Variants in ST6GALNAC5 observed in about 807,000 individuals in gnomAD.
ST6GALNAC5 encodes the protein ST6 N-acetylgalactosaminide alpha-2,6-sialyltransferase 5, also known as alpha-N-acetylgalactosaminide alpha-2,6-sialyltransferase 5.
ST6GALNAC5 carries 27 observed loss-of-function variants against 33.6 expected under a neutral mutation model. The observed-to-expected ratio is 0.80, with a 90% CI of 0.59 to 1.11. ST6GALNAC5 has a LOEUF of 1.11. ST6GALNAC5 is among the 50% of genes least tolerant of loss of function. The probability of loss-of-function intolerance (pLI) is 0.00; values close to 1 mark genes in which losing one functional copy is unlikely to be tolerated. For synonymous variants in ST6GALNAC5, 194 were observed against 171.2 expected (o/e 1.13, Z -1.04); for missense variants, 428 against 454.0 (o/e 0.94, Z 0.52).
chr1:76,879,381 G>A (rs147235475), intron 2 of ST6GALNAC5, among the ~76,000 whole-genome samples: 483 of 152,272 alleles, frequency 3.2e-3, no homozygotes, highest in Non-Finnish European at 5.0e-3. Flanking sequence ...AATAAATTCA[G>A]CCTGATCCAA....
rs140885541 is a variant in ST6GALNAC5 at position 77,040,004 on chromosome 1, G to C, written c.262-4200G>C. 8.8e-3 allele frequency among the ~76,000 whole-genome samples: 1,341 copies of C among 152,298 alleles called. 16 individuals are homozygous for C. Among genetic ancestry groups the C allele is most frequent in the African/African-American group, 0.03 (1,257 of 41,550 alleles). ...TGCATCAGGAATCTTGACTCACCAA[G>C]GCATGAATATTTCCACCCATATCAT... On this transcript the variant is annotated intron_variant, in intron 2 of 4. Coordinates refer to ENST00000477717, the MANE Select transcript of ST6GALNAC5 (RefSeq NM_030965.3).
chr1:76,868,849 G>T lies in ST6GALNAC5; in HGVS notation c.261+107G>T. 7.1e-7 allele frequency: 1 copy of T among 1,418,388 alleles called. No homozygotes were observed. 87.9% of individuals were successfully genotyped at this position (1,418,388 alleles called of 1,614,324 possible). A position where few individuals can be genotyped will look rare whatever the true frequency, so the allele number is the denominator to read the frequency against. ...GAGGCGCTGTGAGTAGGTGCCGTTC[G>T]AAGGCTGGAGGGGAGTGGACCCGCT... On this transcript the variant is annotated intron_variant, in intron 2 of 4. Transcript: ENST00000477717. This position sits in a 1 kb window ranked among gnomAD's most constrained non-coding sequence, Gnocchi z 4.3.
intron 2 of ST6GALNAC5, among the ~76,000 whole-genome samples, chr1:76,950,520 T>C (rs190908238): frequency 7.2e-5 from 11 of 152,204 alleles, no homozygotes; most frequent in African/African-American, 2.6e-4. Context: ...GTCACTATGA[T>C]GGAATTTAGA....
intron 2 of ST6GALNAC5, among the ~76,000 whole-genome samples, chr1:76,964,889 A>G (rs1412770781): frequency 6.6e-6 from 1 of 152,198 alleles, no homozygotes; most frequent in African/African-American, 2.4e-5. Context: ...TAGTTTGCTC[A>G]GAATGATGGT....
At chr1:77,055,348 C>T (rs191899898) in intron 4 of ST6GALNAC5, among the ~76,000 whole-genome samples, 2 of 152,236 alleles carry the variant, frequency 1.3e-5, no homozygotes, top group Non-Finnish European at 1.5e-5. Flanking sequence ...CCATCCCCTA[C>T]TTCCTTAAGC....
At chr1:76,874,017 G>C (rs1022128244) in intron 2 of ST6GALNAC5, among the ~76,000 whole-genome samples, 1 of 152,170 alleles carries the variant, frequency 6.6e-6, no homozygotes, top group African/African-American at 2.4e-5. Flanking sequence ...ATAATAATTT[G>C]AAATCAGGAA....
At position 76,997,278 on chromosome 1, in the gene ST6GALNAC5, A is replaced by G. The variant is rs143724895; in HGVS notation, c.262-46926A>G. Among the ~76,000 whole-genome samples the G allele has an allele frequency of 7.9e-4, 120 of 152,314 alleles. No individual in the cohort carries two copies. The East Asian group carries it at 0.013, about 17-fold the overall frequency. On this transcript the variant is annotated intron_variant, in intron 2 of 4. Transcript: ENST00000477717. Reference sequence around the variant, plus strand: ...GAGTTTGTACAGTTTCGTAGTTACAAGACAGGGTAGAATGAATATTTAAAG... The same window carrying G: ...GAGTTTGTACAGTTTCGTAGTTACAGGACAGGGTAGAATGAATATTTAAAG...
rs533704397 is a variant in ST6GALNAC5 at position 76,954,372 on chromosome 1, C to T, written c.261+85630C>T. 3.9e-5 allele frequency among the ~76,000 whole-genome samples: 6 copies of T among 152,072 alleles called. No individual in the cohort carries two copies. The South Asian group carries it at 1.2e-3, about 32-fold the overall frequency. On this transcript the variant is annotated intron_variant, in intron 2 of 4. Transcript: ENST00000477717. The stretch of plus-strand genomic sequence containing the variant: ...GTGGGAGAACAACCCACACTGAGGC[C>T]TGTTGGAAAGTGGGAGGGGAGGGAG...
At chr1:76,915,469 T>A (rs1646961443) in intron 2 of ST6GALNAC5, among the ~76,000 whole-genome samples, 1 of 152,124 alleles carries the variant, frequency 6.6e-6, no homozygotes, top group South Asian at 2.1e-4. Flanking sequence ...ATAGACTGGA[T>A]TAAGAAAATC....
intron 2 of ST6GALNAC5, among the ~76,000 whole-genome samples, chr1:77,043,411 ATGATGCGTGTTCAC>A (rs1651897773): frequency 6.6e-6 from 1 of 152,238 alleles, no homozygotes; most frequent in South Asian, 2.1e-4. Context: ...GAACTTTGCC[ATGATGCGTGTTCAC>A]TGCAGATGAG....
Position 76,978,069 on chromosome 1 carries a change from T to C in ST6GALNAC5, c.262-66135T>C, listed in dbSNP as rs147806814. ...GTAGTTTTGATTTGCATTTCCCTGA[T>C]TATTAGTGATATTGACCATTTTTTG... On this transcript the variant is annotated intron_variant, in intron 2 of 4. Coordinates refer to ENST00000477717, the MANE Select transcript of ST6GALNAC5 (RefSeq NM_030965.3). 1.0e-3 allele frequency among the ~76,000 whole-genome samples: 154 copies of C among 152,336 alleles called. No individual in the cohort carries two copies. In the Middle Eastern group the frequency reaches 0.02, roughly 20 times the overall value.
intron 2 of ST6GALNAC5, among the ~76,000 whole-genome samples, chr1:76,877,167 G>A (rs1653662315): frequency 1.3e-5 from 2 of 152,192 alleles, no homozygotes. Flanking sequence ...CAAAAGGAGG[G>A]TAATTATCTG....
At chr1:76,951,696 CTTA>C (rs2100338505) in intron 2 of ST6GALNAC5, among the ~76,000 whole-genome samples, 1 of 152,094 alleles carries the variant, frequency 6.6e-6, no homozygotes, top group Non-Finnish European at 1.5e-5. Context: ...TGTGTTTAAG[CTTA>C]TTATTAATTT....
intron 2 of ST6GALNAC5, among the ~76,000 whole-genome samples, chr1:76,907,200 T>A (rs564991596): frequency 6.6e-6 from 1 of 152,172 alleles, no homozygotes; most frequent in Admixed American, 6.6e-5. Flanking sequence ...CTCCTTTTTT[T>A]TCATTTCTAT....
intron 2 of ST6GALNAC5, among the ~76,000 whole-genome samples, chr1:76,928,966 A>G (rs1647111163): frequency 6.6e-6 from 1 of 152,286 alleles, no homozygotes; most frequent in South Asian, 2.1e-4. Flanking sequence ...CAATGTCACC[A>G]TCTTAGCATA....
intron 2 of ST6GALNAC5, among the ~76,000 whole-genome samples, chr1:76,980,944 T>C (rs1649224046): frequency 6.6e-6 from 1 of 152,150 alleles, no homozygotes; most frequent in Non-Finnish European, 1.5e-5. Flanking sequence ...CCCAAGGATT[T>C]GGAGAAAATT....
chr1:76,986,787 A>G (rs1402898309), intron 2 of ST6GALNAC5, among the ~76,000 whole-genome samples: 2 of 152,222 alleles, frequency 1.3e-5, no homozygotes, highest in African/African-American at 2.4e-5. Flanking sequence ...GATAGACTAG[A>G]TTAAGAAAAT....
intron 2 of ST6GALNAC5, among the ~76,000 whole-genome samples, chr1:76,916,040 C>T (rs1646970781): frequency 6.6e-6 from 1 of 151,666 alleles, no homozygotes; most frequent in Non-Finnish European, 1.5e-5. Flanking sequence ...TTGAAATACT[C>T]CTGTAGAATA....
intron 2 of ST6GALNAC5, among the ~76,000 whole-genome samples, chr1:76,895,391 A>G (rs1435854564): frequency 1.3e-5 from 2 of 152,130 alleles, no homozygotes; most frequent in African/African-American, 4.8e-5. Flanking sequence ...GATTAAGCTG[A>G]AGGAAGATTT....
Sources: allele counts gnomAD v4.1 joint callset (sites outside exome capture counted in the v4.1 genomes callset), GRCh38; gene constraint gnomAD v4.1.1; non-coding constraint Gnocchi (gnomAD v3.1); transcripts MANE v1.5; gene names NCBI Gene and HGNC (gene_info 2026-07-23, HGNC 2026-07-21).